Variants in PCDHA7 observed in about 807,000 individuals in gnomAD.
PCDHA7 encodes protocadherin alpha-7.
Under a neutral mutation model 57.2 loss-of-function variants are expected in PCDHA7, and 37 were observed. The ratio of observed to expected loss-of-function variants is 0.65; its 90% confidence interval spans 0.50 to 0.85. The LOEUF (loss-of-function observed/expected upper bound fraction) is 0.85. Among genes scored for constraint, PCDHA7 ranks in the 40% least tolerant of loss-of-function variants. PCDHA7 has a pLI of 0.00. For synonymous variants in PCDHA7, 553 were observed against 558.8 expected (o/e 0.99, Z 0.15); for missense variants, 1,188 against 1,241.8 (o/e 0.96, Z 0.65).
intron 1 of PCDHA7, chr5:140,863,133 G>T (rs2047814450): frequency 5.0e-6 from 3 of 600,930 alleles, no homozygotes; most frequent in African/African-American, 1.9e-5. Flanking sequence ...GCCACCGCCT[G>T]CTGGTGCTGG....
intron 1 of PCDHA7, among the ~76,000 whole-genome samples, chr5:140,978,488 C>T (rs1453613410): frequency 6.6e-6 from 1 of 152,224 alleles, no homozygotes; most frequent in Non-Finnish European, 1.5e-5. Flanking sequence ...TCTGCAAAGC[C>T]AGCAGCAGAT....
chr5:140,995,930 A>G (rs186484511), intron 3 of PCDHA7, among the ~76,000 whole-genome samples: 1 of 152,342 alleles, frequency 6.6e-6, no homozygotes, highest in Admixed American at 6.5e-5. Context: ...TGTTGTAAGT[A>G]TTAAATGACA....
Position 140,915,075 on chromosome 5 carries a change from A to T in PCDHA7, c.2356-63874A>T, listed in dbSNP as rs111889109. ...ATTCTCCTGCCTTAGCCTACTGAGTAGCTGGGACTATGGGCACGCACCACC... is the reference window on the plus strand; with the variant it reads ...ATTCTCCTGCCTTAGCCTACTGAGTTGCTGGGACTATGGGCACGCACCACC... On this transcript the variant is annotated intron_variant, in intron 1 of 3. Transcript: ENST00000525929. 7.1e-3 allele frequency among the ~76,000 whole-genome samples: 1,070 copies of T among 151,432 alleles called. 10 individuals are homozygous for T. The highest frequency in any genetic ancestry group is 0.025 in the African/African-American group (1,035 of 41,220).
chr5:140,998,743 T>A (rs2097832293), intron 3 of PCDHA7, among the ~76,000 whole-genome samples: 1 of 152,138 alleles, frequency 6.6e-6, no homozygotes, highest in Non-Finnish European at 1.5e-5. Flanking sequence ...TTTGTATTTT[T>A]AGAAGAGACA....
intron 1 of PCDHA7, among the ~76,000 whole-genome samples, chr5:140,938,921 T>C (rs2092266107): frequency 6.6e-6 from 1 of 151,840 alleles, no homozygotes; most frequent in Non-Finnish European, 1.5e-5. Context: ...GCACAAGAAA[T>C]TGGCTTTTAA....
At chr5:140,968,029 GGT>G in intron 1 of PCDHA7, 1 of 1,614,170 alleles carries the variant, frequency 6.2e-7, no homozygotes, top group African/African-American at 1.3e-5. Context: ...CCTATACACT[GGT>G]GGTGAGCGGC....
chr5:140,901,658 G>T (rs1554189962), intron 1 of PCDHA7, among the ~76,000 whole-genome samples: 1 of 151,936 alleles, frequency 6.6e-6, no homozygotes, highest in Admixed American at 6.6e-5. Flanking sequence ...TGTTCTTTTT[G>T]CTCAAGATAC....
chr5:140,842,052 A>T (rs1777672472), intron 1 of PCDHA7: 1 of 1,613,748 alleles, frequency 6.2e-7, no homozygotes, highest in African/African-American at 1.3e-5. Context: ...ACTTTCGAAC[A>T]GTCTGAATAC....
At chr5:140,968,252 C>A (rs201156874) in intron 1 of PCDHA7, 7 of 1,613,948 alleles carry the variant, frequency 4.3e-6, no homozygotes, top group Non-Finnish European at 8.5e-7. Context: ...AGCCACAGAC[C>A]CAGATGAAAA....
intron 1 of PCDHA7, among the ~76,000 whole-genome samples, chr5:140,901,369 C>G (rs1366309820): frequency 1.3e-5 from 2 of 152,120 alleles, no homozygotes; most frequent in African/African-American, 2.4e-5. Flanking sequence ...GTCTTTAATC[C>G]ATTTTAATTC....
At chr5:140,876,543 C>T (rs1357446844) in intron 1 of PCDHA7, 10 of 1,614,022 alleles carry the variant, frequency 6.2e-6, no homozygotes, top group African/African-American at 2.7e-5. Context: ...CACTGTCGCT[C>T]CCTGTGCAAG....
intron 1 of PCDHA7, among the ~76,000 whole-genome samples, chr5:140,952,804 C>T (rs191550367): frequency 2.6e-5 from 4 of 152,282 alleles, no homozygotes; most frequent in Non-Finnish European, 5.9e-5. Flanking sequence ...GCTCGCAGTT[C>T]TGCAGGCTGT....
intron 1 of PCDHA7, among the ~76,000 whole-genome samples, chr5:140,891,498 G>C (rs566885852): frequency 6.6e-6 from 1 of 151,186 alleles, no homozygotes; most frequent in East Asian, 1.9e-4. Flanking sequence ...CATATCCTCA[G>C]CTATAATGTT....
intron 3 of PCDHA7, among the ~76,000 whole-genome samples, chr5:140,996,604 A>G (rs1554255259): frequency 1.3e-5 from 2 of 152,090 alleles, no homozygotes; most frequent in African/African-American, 4.8e-5. Flanking sequence ...CCCCATTTTC[A>G]TTTGGCAAAT....
intron 1 of PCDHA7, among the ~76,000 whole-genome samples, chr5:140,906,606 G>A (rs2072783004): frequency 6.6e-6 from 1 of 152,208 alleles, no homozygotes; most frequent in Non-Finnish European, 1.5e-5. Context: ...TACTCATTCT[G>A]TATTCCCTTT....
At chr5:140,983,641 C>T (rs1030470329) in intron 3 of PCDHA7, among the ~76,000 whole-genome samples, 4 of 152,164 alleles carry the variant, frequency 2.6e-5, no homozygotes, top group Admixed American at 1.3e-4. Flanking sequence ...CCCAAGTTCA[C>T]GTAGCTTGTA....
intron 1 of PCDHA7, 182 bp downstream of exon 1, chr5:140,836,920 G>A: frequency 1.8e-6 from 1 of 542,350 alleles, no homozygotes; most frequent in Non-Finnish European, 3.1e-6. Flanking sequence ...TTTTGTTTTG[G>A]GATGCGTAAT....
chr5:140,891,742 A>T (rs2063228656), intron 1 of PCDHA7, among the ~76,000 whole-genome samples: 1 of 152,150 alleles, frequency 6.6e-6, no homozygotes, highest in African/African-American at 2.4e-5. Context: ...TCAATCCCTT[A>T]TACAACAGTG....
In PCDHA7 at chr5:140,836,713, C is replaced by T; in HGVS notation, c.2330C>T (p.Pro777Leu). The change falls in exon 1 of 4, where the codon CCT (proline) becomes CTT (leucine). Residue 777 changes from proline (P) to leucine (L), a missense_variant. Physicochemically the swap from Pro to Leu is moderately conservative, Grantham distance 98 (BLOSUM62 -3). Transcript: ENST00000525929. ...CTCATGGCCTTCAGTCCCAGCCTTCCTCAGGGTCCATCCTCTACAGACAAT... is the reference window on the plus strand; with the variant it reads ...CTCATGGCCTTCAGTCCCAGCCTTCTTCAGGGTCCATCCTCTACAGACAAT... ...TDLMAFSPSL[P>L]QGPSSTDNPR... The T allele has an allele frequency of 1.2e-6, 2 of 1,613,054 alleles. No individual in the cohort carries two copies. The highest frequency in any genetic ancestry group is 1.7e-6 in the Non-Finnish European group (2 of 1,179,336).
Sources: gnomAD v4.1 joint callset for allele counts (sites outside exome capture counted in the v4.1 genomes callset) on GRCh38, gnomAD v4.1.1 for gene constraint, MANE v1.5 for transcripts, NCBI Gene and HGNC (gene_info 2026-07-23, HGNC 2026-07-21) for gene names.